Variants in AURKB observed in about 807,000 individuals in gnomAD.
The protein encoded by AURKB is aurora kinase B-Sv1.
Under a neutral mutation model 36.5 loss-of-function variants are expected in AURKB, and 28 were observed. The ratio of observed to expected loss-of-function variants is 0.77; its 90% CI spans 0.57 to 1.05. The LOEUF is 1.05. AURKB is among the 50% of genes least tolerant of loss of function. The pLI is 0.00. For synonymous variants in AURKB, 175 were observed against 172.9 expected (o/e 1.01, Z -0.09); for missense variants, 383 against 447.4 (o/e 0.86, Z 1.30).
At chr17:8,205,115 T>C in intron 8 of AURKB, 71 bp from the exon 9 acceptor site, 2 of 1,543,176 alleles carry the variant, frequency 1.3e-6, no homozygotes, top group Non-Finnish European at 1.7e-6. Context: ...CTACCCATTC[T>C]GTTTGGAGTT....
At chr17:8,210,309 T>C in intron 1 of AURKB, 60 bp from the exon 2 acceptor site, 63 of 1,135,494 alleles carry the variant, frequency 5.5e-5, no homozygotes, top group Non-Finnish European at 7.4e-5. Flanking sequence ...GAGGGAGGGG[T>C]TGGACCGATC....
chr17:8,206,723 G>A lies in AURKB; in HGVS notation c.537+27C>T. The A allele has an allele frequency of 1.9e-6, 3 of 1,612,614 alleles. No individual in the cohort carries two copies. The highest frequency in any genetic ancestry group is 2.5e-6 in the Non-Finnish European group (3 of 1,179,022). On this transcript the variant is annotated intron_variant, in intron 6 of 8. Transcript: ENST00000585124. This position sits in a 1 kb window ranked among gnomAD's most constrained non-coding sequence, Gnocchi z 4.2. The stretch of plus-strand genomic sequence containing the variant: ...ACCCTCAGCCTCGAGCCCCCTACTG[G>A]CGCCCCAGGTGCCCACCCGCCCGGA...
Position 8,207,311 on chromosome 17 carries a change from A to G in AURKB, c.263T>C (p.Phe88Ser). Reference protein sequence around the residue: ...EIGRPLGKGKFGNVYLAREKK... With the variant: ...EIGRPLGKGKSGNVYLAREKK... The stretch of plus-strand genomic sequence containing the variant: ...CTCCCGAGCCAAGTACACGTTTCCA[A>G]ACTTGCCTTTGCCCAGAGGACGCCC... Residue 88 changes from phenylalanine to serine, a missense_variant, in exon 5 of 9, where the codon TTT (phenylalanine) becomes TCT (serine). Coordinates refer to ENST00000585124, the MANE Select transcript of AURKB (RefSeq NM_004217.4). 1 of 1,614,176 alleles carries G rather than the reference A, an allele frequency of 6.2e-7. No homozygotes were observed. Among genetic ancestry groups the G allele is most frequent in the Non-Finnish European group, 8.5e-7 (1 of 1,180,036 alleles).
intron 1 of AURKB, 107 bp from the exon 2 acceptor site, chr17:8,210,356 C>A: frequency 1.2e-6 from 1 of 800,650 alleles, no homozygotes; most frequent in Non-Finnish European, 2.1e-6. Flanking sequence ...TAAAAGGGAG[C>A]AGGTCAGCAC....
chr17:8,210,341 G>T, intron 1 of AURKB, 92 bp from the exon 2 acceptor site: 1 of 973,364 alleles, frequency 1.0e-6, no homozygotes, highest in Non-Finnish European at 1.6e-6. Flanking sequence ...GCTAGCCCGA[G>T]CTGGTAAAAG....
At position 8,205,215 on chromosome 17, in the gene AURKB, C is replaced by T. The variant is rs1985072118; in HGVS notation, c.861+1G>A. On this transcript the variant is annotated splice_donor_variant, in intron 8 of 8. Coordinates refer to ENST00000585124, the MANE Select transcript of AURKB (RefSeq NM_004217.4). LOFTEE classifies it high-confidence loss of function. ...GCACGAAGCCCAGGCCGCCCTCCCACCTTGACGATGCGGCGATAGGTCTCG... is the reference window on the plus strand; with the variant it reads ...GCACGAAGCCCAGGCCGCCCTCCCATCTTGACGATGCGGCGATAGGTCTCG... The T allele has an allele frequency of 1.2e-6, 2 of 1,611,580 alleles. No homozygotes were observed. Among genetic ancestry groups the T allele is most frequent in the African/African-American group, 1.3e-5 (1 of 74,992 alleles).
chr17:8,209,861 G>C, intron 2 of AURKB: 2 of 439,560 alleles, frequency 4.5e-6, no homozygotes, highest in Non-Finnish European at 8.0e-6. Context: ...TTTTTTTCAG[G>C]ATATGGATTG....
chr17:8,210,114 T>C (rs1985907276), intron 2 of AURKB, 63 bp downstream of exon 2: 1 of 1,586,004 alleles, frequency 6.3e-7, no homozygotes, highest in Admixed American at 1.7e-5. Flanking sequence ...GGATCTCAAG[T>C]TTCCCAGCAG....
At chr17:8,207,440 C>T (rs2151473784) in intron 4 of AURKB, 73 bp from the exon 5 acceptor site, 1 of 1,569,422 alleles carries the variant, frequency 6.4e-7, no homozygotes, top group Non-Finnish European at 8.7e-7. Context: ...TCTCTGCTTC[C>T]TCATCCCATC....
Position 8,205,222 on chromosome 17 carries a change from G to A in AURKB, c.855C>T (p.Ile285=), listed in dbSNP as rs778559031. 14 of 1,611,884 alleles carry A rather than the reference G, an allele frequency of 8.7e-6. No homozygotes were observed. Among genetic ancestry groups the A allele is most frequent in the Middle Eastern group, 3.3e-4 (2 of 6,076 alleles). The change falls in exon 8 of 9, where the codon ATC becomes ATT. Residue 285 remains isoleucine, a synonymous_variant. Coordinates refer to ENST00000585124, the MANE Select transcript of AURKB (RefSeq NM_004217.4). Reference sequence around the variant, plus strand: ...GCCCAGGCCGCCCTCCCACCTTGACGATGCGGCGATAGGTCTCGTTGTGTG... The same window carrying A: ...GCCCAGGCCGCCCTCCCACCTTGACAATGCGGCGATAGGTCTCGTTGTGTG... The part of the protein sequence containing the change: ...SASHNETYRR[I]VKVDLKFPAS...
At chr17:8,210,105 G>A in intron 2 of AURKB, 72 bp downstream of exon 2, 1 of 1,560,396 alleles carries the variant, frequency 6.4e-7, no homozygotes, top group Admixed American at 1.7e-5. Flanking sequence ...CTCATTGCAG[G>A]ATCTCAAGTT....
At chr17:8,205,937 G>T (rs140299353) in intron 7 of AURKB, among the ~76,000 whole-genome samples, 15 of 152,110 alleles carry the variant, frequency 9.9e-5, no homozygotes, top group South Asian at 2.1e-4. Flanking sequence ...TTTTAGTAAA[G>T]ATGGGGTTTC....
chr17:8,210,270 G>T, intron 1 of AURKB, 21 bp from the exon 2 acceptor site: 1 of 1,495,460 alleles, frequency 6.7e-7, no homozygotes, highest in African/African-American at 1.4e-5. Flanking sequence ...AAGGGAAACA[G>T]CCGTGAGAAG....
At position 8,210,174 on chromosome 17, in the gene AURKB, T is replaced by C. The variant is rs1985916469; in HGVS notation, c.48+3A>G. 1.2e-6 allele frequency: 2 copies of C among 1,612,698 alleles called. No individual in the cohort carries two copies. Among genetic ancestry groups the C allele is most frequent in the Non-Finnish European group, 1.7e-6 (2 of 1,179,776 alleles). The stretch of plus-strand genomic sequence containing the variant: ...GGCGCAGGGACGGAGGGAAGGGCCT[T>C]ACCGTCTGTCGGCCGTAGGGCCAGG... On this transcript the variant is annotated splice_donor_region_variant and intron_variant, in intron 2 of 8. Transcript: ENST00000585124.
chr17:8,209,022 C>CT (rs1424437664), intron 2 of AURKB, among the ~76,000 whole-genome samples: 3 of 112,388 alleles, frequency 2.7e-5, no homozygotes, highest in South Asian at 3.5e-4. Flanking sequence ...TCAACTTCTT[C>CT]ATTTTTTTTT....
chr17:8,208,636 T>TAAAAAAA (rs1159436540), intron 2 of AURKB, among the ~76,000 whole-genome samples: 26 of 135,836 alleles, frequency 1.9e-4, no homozygotes, highest in South Asian at 4.6e-4. Context: ...AAATAAAAAA[T>TAAAAAAA]AAATAACCTA....
chr17:8,208,701 C>A (rs1464986262), intron 2 of AURKB, among the ~76,000 whole-genome samples: 1 of 152,182 alleles, frequency 6.6e-6, no homozygotes, highest in Non-Finnish European at 1.5e-5. Context: ...CATTTCACTT[C>A]TTTGGCCCTG....
Position 8,207,818 on chromosome 17 carries a change from A to G in AURKB, c.71T>C (p.Leu24Pro). The G allele has an allele frequency of 2.5e-6, 4 of 1,613,752 alleles. No individual in the cohort carries two copies. Among genetic ancestry groups the G allele is most frequent in the Non-Finnish European group, 3.4e-6 (4 of 1,179,858 alleles). Residue 24 changes from leucine (L) to proline (P), a missense_variant, in exon 3 of 9, where the codon CTG becomes CCG. Around this residue, in one of 3 missense-constraint regions of AURKB, gnomAD observed 105 missense variants for 95.7 expected, o/e 1.10. Coordinates refer to ENST00000585124, the MANE Select transcript of AURKB (RefSeq NM_004217.4). ...RQTAPSGLSTLPQRVLRKEPV... is the reference protein window; with the variant it reads ...RQTAPSGLSTPPQRVLRKEPV... ...CTCTTTCCGGAGGACTCGCTGGGGCAGGGTGCTCAGGCCAGATGGAGCCTG... is the reference window on the plus strand; with the variant it reads ...CTCTTTCCGGAGGACTCGCTGGGGCGGGGTGCTCAGGCCAGATGGAGCCTG...
chr17:8,206,674 TGGACCTCCA>T lies in AURKB; in HGVS notation c.538-44_538-36del. 6.2e-7 allele frequency: 1 copy of T among 1,613,982 alleles called. No homozygotes were observed. Among genetic ancestry groups the T allele is most frequent in the Non-Finnish European group, 8.5e-7 (1 of 1,179,938 alleles). ...GCAACGACAGGCAATCAGACAAGGA[TGGACCTCCA>T]GCTACAAGCAGCACACCCTCAGCCT... On this transcript the variant is annotated intron_variant, in intron 6 of 8. Transcript: ENST00000585124. This position sits in a 1 kb window ranked among gnomAD's most constrained non-coding sequence, Gnocchi z 4.2.
Sources: gnomAD v4.1 joint callset for allele counts (sites outside exome capture counted in the v4.1 genomes callset) on GRCh38, gnomAD v4.1.1 for gene constraint, gnomAD v4.1.1 regional missense constraint, Gnocchi (gnomAD v3.1) non-coding constraint, MANE v1.5 for transcripts, NCBI Gene and HGNC (gene_info 2026-07-23, HGNC 2026-07-21) for gene names.